Variants in CRACD observed in about 807,000 individuals in gnomAD.
The protein encoded by CRACD is capping protein inhibiting regulator of actin dynamics.
Under a neutral mutation model 106.8 loss-of-function variants are expected in CRACD, and 56 were observed. That is an observed-to-expected ratio of 0.52 (90% confidence interval 0.42 to 0.66). The LOEUF (loss-of-function observed/expected upper bound fraction) is 0.66. Ranked by LOEUF, CRACD falls within the 30% of genes least tolerant of loss-of-function variation. The pLI is 0.00. For synonymous variants in CRACD, 754 were observed against 670.8 expected (o/e 1.12, Z -1.92); for missense variants, 1,730 against 1,623.2 (o/e 1.07, Z -1.13).
At chr4:56,145,157 TC>T (rs1268480203) in intron 1 of CRACD, among the ~76,000 whole-genome samples, 3 of 152,210 alleles carry the variant, frequency 2.0e-5, no homozygotes, top group Non-Finnish European at 4.4e-5. Context: ...TTTAAGCTCA[TC>T]CATATCTGTG....
In CRACD at chr4:56,329,706, T is replaced by TAACA. The variant is rs1174327330; in HGVS notation, c.*1903_*1906dup. Among the ~76,000 whole-genome samples, 1 of 152,222 alleles carries TAACA rather than the reference T, an allele frequency of 6.6e-6. No homozygotes were observed. Among genetic ancestry groups the TAACA allele is most frequent in the Non-Finnish European group, 1.5e-5 (1 of 68,030 alleles). On this transcript the variant is annotated 3_prime_UTR_variant, in exon 11 of 11. Transcript: ENST00000682029. ...AGTTCCAATGATTTCCTCACTAATA[T>TAACA]AACACTTTTTAATGGGAATCTTTCC...
rs112235439 is a variant in CRACD at position 56,223,848 on chromosome 4, T to G, written c.-189+44418T>G. On this transcript the variant is annotated intron_variant, in intron 2 of 10. Transcript: ENST00000682029. ...GTCTCAGCTCACTGCATCCTCGAAC[T>G]TATGGGCTCAAGTGATTCTACCACC... is the stretch of plus-strand genomic sequence containing the variant. 1.2e-3 allele frequency among the ~76,000 whole-genome samples: 181 copies of G among 152,338 alleles called. 1 individual carries two copies. Among genetic ancestry groups the G allele is most frequent in the African/African-American group, 4.3e-3 (177 of 41,584 alleles).
At chr4:56,050,273 AGTGTGTGTGTGTGT>A (rs3036783) in intron 1 of CRACD, among the ~76,000 whole-genome samples, 2,984 of 134,544 alleles carry the variant, frequency 0.022, 108 homozygotes, top group African/African-American at 0.074. Flanking sequence ...TAGGTGAGGG[AGTGTGTGTGTGTGT>A]GTGTGTGTGT....
At chr4:56,082,633 T>G (rs1305718803) in intron 1 of CRACD, among the ~76,000 whole-genome samples, 6 of 152,118 alleles carry the variant, frequency 3.9e-5, no homozygotes, top group Non-Finnish European at 5.9e-5. Flanking sequence ...AGATGACTTC[T>G]AGGTTTCTGG....
intron 3 of CRACD, among the ~76,000 whole-genome samples, chr4:56,294,913 C>CAAAAAAAAAAAAAAAAAAAAAAAAAAA (rs56200534): frequency 2.8e-5 from 2 of 72,166 alleles, no homozygotes; most frequent in South Asian, 5.2e-4. Flanking sequence ...GACCTTGTCT[C>CAAAAAAAAAAAAAAAAAAAAAAAAAAA]AAAAAAAAAA....
intron 1 of CRACD, among the ~76,000 whole-genome samples, chr4:56,083,936 C>T (rs963504637): frequency 6.6e-6 from 1 of 152,118 alleles, no homozygotes; most frequent in Non-Finnish European, 1.5e-5. Flanking sequence ...GTGATTGTGC[C>T]ACTGCACTCC....
At chr4:56,202,729 T>G in intron 2 of CRACD, among the ~76,000 whole-genome samples, 1 of 152,310 alleles carries the variant, frequency 6.6e-6, no homozygotes, top group African/African-American at 2.4e-5. Flanking sequence ...GGAAATAGTT[T>G]TTACTCAGAT....
chr4:56,323,446 A>G lies in CRACD; in HGVS notation c.3257A>G (p.Gln1086Arg), dbSNP rs767817450. 6.2e-7 allele frequency: 1 copy of G among 1,612,178 alleles called. No homozygotes were observed. The highest frequency in any genetic ancestry group is 1.1e-5 in the South Asian group (1 of 90,694). ...CTTACAGAGAAAGTGGAAACTGCTC[A>G]GCCGCTGTGGATAACGTTAGCACTG... ...SKLTEKVETA[Q>R]PLWITLALQK... Residue 1086 changes from glutamine (Q) to arginine (R), a missense_variant, in exon 9 of 11, where the codon CAG (glutamine) becomes CGG (arginine). Transcript: ENST00000682029.
intron 8 of CRACD, among the ~76,000 whole-genome samples, chr4:56,323,051 A>T (rs1560543319): frequency 6.6e-6 from 1 of 152,222 alleles, no homozygotes; most frequent in Non-Finnish European, 1.5e-5. Context: ...GAATGAATTT[A>T]AAAAAGAACA....
intron 1 of CRACD, among the ~76,000 whole-genome samples, chr4:56,120,894 A>G (rs1295739071): frequency 2.6e-5 from 4 of 152,218 alleles, no homozygotes; most frequent in Non-Finnish European, 1.5e-5. Flanking sequence ...AGCATGTGAT[A>G]TCACGGAATA....
intron 1 of CRACD, among the ~76,000 whole-genome samples, chr4:56,156,486 T>G (rs1183522484): frequency 6.6e-6 from 1 of 152,260 alleles, no homozygotes; most frequent in African/African-American, 2.4e-5. Flanking sequence ...TCAGAATACA[T>G]GCTGTAGAGA....
At chr4:56,307,447 G>A in intron 4 of CRACD, 88 bp from the exon 5 acceptor site, 1 of 1,335,600 alleles carries the variant, frequency 7.5e-7, no homozygotes, top group Non-Finnish European at 1.1e-6. Flanking sequence ...GTATGCCTCA[G>A]TGCTCACTAG....
rs11276076 is a variant in CRACD at position 56,314,410 on chromosome 4, C to CGGAGCGGAGGGAGCGGAG, written c.923_924insGAGGGAGCGGAGGGAGCG (p.Arg308_Glu309insArgGluArgArgGluArg). 0.38 allele frequency: 588,236 copies of CGGAGCGGAGGGAGCGGAG among 1,539,954 alleles called. 116,247 individuals are homozygous for CGGAGCGGAGGGAGCGGAG. The highest frequency in any genetic ancestry group is 0.41 in the Non-Finnish European group (465,528 of 1,142,658). ...CTGGAAGCGCCAGGTTGGGAGGACG[C>CGGAGCGGAGGGAGCGGAG]GGAGCGGAGGGAGCGTGAGGAGCGC... On this transcript the variant is annotated inframe_insertion, in exon 8 of 11. Coordinates refer to ENST00000682029, the MANE Select transcript of CRACD (RefSeq NM_001393381.1). This position sits in a 1 kb window ranked among gnomAD's most constrained non-coding sequence, Gnocchi z 4.4.
In CRACD at chr4:56,143,299, T is replaced by A. The variant is rs1430117221; in HGVS notation, c.-335-35985T>A. On this transcript the variant is annotated intron_variant, in intron 1 of 10. Transcript: ENST00000682029. ...AAACTTATTCTTATTACTCCTAGTT[T>A]AAGGGTAGATAATCGTGAGCTGAAA... is the stretch of plus-strand genomic sequence containing the variant. Among the ~76,000 whole-genome samples, 10 of 152,240 alleles carry A rather than the reference T, an allele frequency of 6.6e-5. No homozygotes were observed. The East Asian group carries it at 1.9e-3, about 29-fold the overall frequency.
chr4:56,063,384 A>G (rs986422406), intron 1 of CRACD, among the ~76,000 whole-genome samples: 4 of 152,128 alleles, frequency 2.6e-5, no homozygotes, highest in African/African-American at 9.7e-5. Context: ...GTGGTAAAAT[A>G]TATATAACAA....
chr4:56,180,464 G>A lies in CRACD; in HGVS notation c.-189+1034G>A, dbSNP rs374950271. 5.9e-5 allele frequency among the ~76,000 whole-genome samples: 9 copies of A among 151,848 alleles called. No homozygotes were observed. The East Asian group carries it at 1.7e-3, about 29-fold the overall frequency. ...AGATCTCACTGCTGCACTCCAGCCT[G>A]GGTGACAGTGCAAGACTCCATCTCA... On this transcript the variant is annotated intron_variant, in intron 2 of 10. Transcript: ENST00000682029.
intron 1 of CRACD, among the ~76,000 whole-genome samples, chr4:56,137,149 A>C (rs1306796621): frequency 6.6e-6 from 1 of 152,142 alleles, no homozygotes; most frequent in Non-Finnish European, 1.5e-5. Flanking sequence ...TTCAGCTCAC[A>C]TCAGGCATGT....
chr4:56,068,175 T>G (rs1461529077), intron 1 of CRACD, among the ~76,000 whole-genome samples: 2 of 152,120 alleles, frequency 1.3e-5, no homozygotes, highest in Non-Finnish European at 2.9e-5. Flanking sequence ...AGGAACAGCG[T>G]CTCTGAGAAG....
rs367552428 is a variant in CRACD, at chr4:56,313,368, C to T, written c.526C>T (p.Arg176Cys). The T allele has an allele frequency of 1.1e-5, 18 of 1,613,464 alleles. No individual in the cohort carries two copies. Among genetic ancestry groups the T allele is most frequent in the East Asian group, 2.2e-5 (1 of 44,882 alleles). ...KKQRVSKKHR[R>C]LAQDPQHEQG... The stretch of plus-strand genomic sequence containing the variant: ...ACAGAGGGTGTCAAAGAAGCACAGG[C>T]GCCTTGCCCAGGTGTGTAGAGCCTG... Residue 176 changes from arginine (R) to cysteine (C), a missense_variant, in exon 7 of 11, where the codon CGC becomes TGC. This residue lies in a region of CRACD where 1,620 missense variants were observed against 1,481.6 expected (regional missense o/e 1.09). Transcript: ENST00000682029.
Sources: gnomAD v4.1 joint callset for allele counts (sites outside exome capture counted in the v4.1 genomes callset) on GRCh38, gnomAD v4.1.1 for gene constraint, gnomAD v4.1.1 regional missense constraint, Gnocchi (gnomAD v3.1) non-coding constraint, MANE v1.5 for transcripts, NCBI Gene and HGNC (gene_info 2026-07-23, HGNC 2026-07-21) for gene names.